Variants in MGST1 observed in about 807,000 individuals in gnomAD.
MGST1 encodes the protein microsomal glutathione S-transferase 1.
MGST1 carries 5 observed loss-of-function variants against 8.9 expected under a neutral mutation model. The ratio of observed to expected loss-of-function variants is 0.56; its 90% confidence interval spans 0.29 to 1.19. MGST1 has a LOEUF of 1.19. Ranked by LOEUF, MGST1 falls within the 50% of genes most tolerant of loss-of-function variation. The pLI, the probability that MGST1 is intolerant of heterozygous loss-of-function variation, is 0.08. For synonymous variants in MGST1, 54 were observed against 67.8 expected, an observed-to-expected ratio of 0.80 and a Z score of 1.00; for missense variants, 182 against 187.4, an observed-to-expected ratio of 0.97 and a Z score of 0.17.
chr12:16,484,583 C>T (rs937460274), intron 4 of MGST1, among the ~76,000 whole-genome samples: 3 of 152,096 alleles, frequency 2.0e-5, no homozygotes, highest in African/African-American at 7.2e-5. Context: ...AACTTATAAC[C>T]TTGGCAGAAG....
chr12:16,492,134 T>A (rs138988533), intron 4 of MGST1, among the ~76,000 whole-genome samples: 5 of 152,232 alleles, frequency 3.3e-5, no homozygotes, highest in African/African-American at 1.2e-4. Context: ...AAAAATGGAA[T>A]GATATGTAGG....
intron 4 of MGST1, among the ~76,000 whole-genome samples, chr12:16,572,447 A>G (rs1294240449): frequency 6.9e-6 from 1 of 144,218 alleles, no homozygotes; most frequent in African/African-American, 2.5e-5. Flanking sequence ...AAACAGAGCT[A>G]CTAAGCTATT....
chr12:16,448,056 C>T lies in MGST1; in HGVS notation n.482+64452C>T, dbSNP rs377316967. On this transcript the variant is annotated intron_variant and non_coding_transcript_variant, in intron 4 of 4. Transcript: ENST00000538857. ...AGTTGAAAGACACTGTACAGGTTGT[C>T]GAGATATCCAATGAAGCTTATAAAA... Among the ~76,000 whole-genome samples the T allele has an allele frequency of 1.9e-4, 29 of 150,898 alleles. 1 individual carries two copies. The highest frequency in any genetic ancestry group is 3.4e-3 in the Middle Eastern group (1 of 294).
At chr12:16,439,622 T>A (rs953298902), downstream of MGST1, among the ~76,000 whole-genome samples, 1 of 151,838 alleles carries the variant, frequency 6.6e-6, no homozygotes, top group South Asian at 2.1e-4. Context: ...TTTCTCAAGG[T>A]GGAGGGGTAG....
intron 4 of MGST1, among the ~76,000 whole-genome samples, chr12:16,479,198 GTA>G (rs144060566): frequency 2.2e-5 from 3 of 139,432 alleles, no homozygotes; most frequent in East Asian, 2.1e-4. Flanking sequence ...TCCATTGTGT[GTA>G]TATATATATA....
chr12:16,371,139 A>G (rs1940285930), intron 3 of MGST1, among the ~76,000 whole-genome samples: 1 of 152,176 alleles, frequency 6.6e-6, no homozygotes, highest in South Asian at 2.1e-4. Flanking sequence ...AACTTGTGCT[A>G]GTAGTTGATG....
chr12:16,465,136 A>T (rs1395244171), intron 4 of MGST1, among the ~76,000 whole-genome samples: 1 of 152,210 alleles, frequency 6.6e-6, no homozygotes, highest in Non-Finnish European at 1.5e-5. Flanking sequence ...TAATGGCAAG[A>T]GGAGGGGTGG....
rs180692984 is a variant in MGST1 at position 16,355,435 on chromosome 12, C to G, written c.126+1057C>G. Reference sequence around the variant, plus strand: ...TGTTGGCCAGGCTGGTCTCAAACTCCTGACCTCAGGTGATCCACCCACCTT... The same window carrying G: ...TGTTGGCCAGGCTGGTCTCAAACTCGTGACCTCAGGTGATCCACCCACCTT... On this transcript the variant is annotated intron_variant, in intron 2 of 3. Transcript: ENST00000396210. Among the ~76,000 whole-genome samples, 554 of 152,244 alleles carry G rather than the reference C, an allele frequency of 3.6e-3. 1 individual carries two copies. Among genetic ancestry groups the G allele is most frequent in the Non-Finnish European group, 5.8e-3 (391 of 67,998 alleles).
intron 4 of MGST1, among the ~76,000 whole-genome samples, chr12:16,448,992 A>G (rs1027804000): frequency 1.3e-5 from 2 of 151,980 alleles, no homozygotes; most frequent in African/African-American, 2.4e-5. Flanking sequence ...GTCCATAAAA[A>G]TGTTGGTAAT....
chr12:16,516,223 A>G (rs1365050556), intron 4 of MGST1, among the ~76,000 whole-genome samples: 2 of 152,196 alleles, frequency 1.3e-5, no homozygotes, highest in Non-Finnish European at 2.9e-5. Context: ...AGAGTCTGAC[A>G]CATCTTTTAC....
At chr12:16,357,546 G>A in intron 2 of MGST1, 59 bp from the exon 3 acceptor site, 1 of 1,298,028 alleles carries the variant, frequency 7.7e-7, no homozygotes, top group Non-Finnish European at 1.1e-6. Flanking sequence ...AATTACAGGT[G>A]TGAGCTATTG....
At chr12:16,508,851 GTT>G (rs1410123413) in intron 4 of MGST1, among the ~76,000 whole-genome samples, 3 of 152,146 alleles carry the variant, frequency 2.0e-5, no homozygotes, top group African/African-American at 7.2e-5. Context: ...TATAGGCACT[GTT>G]TTAGCTTACC....
At chr12:16,356,050 C>A (rs1939701171) in intron 2 of MGST1, among the ~76,000 whole-genome samples, 1 of 152,118 alleles carries the variant, frequency 6.6e-6, no homozygotes, top group African/African-American at 2.4e-5. Context: ...GAAGCAAACT[C>A]TCTCCTTTCT....
chr12:16,499,140 TA>T (rs1941488577), intron 4 of MGST1, among the ~76,000 whole-genome samples: 1 of 152,208 alleles, frequency 6.6e-6, no homozygotes. Flanking sequence ...CTCTCCCCTT[TA>T]AGTATTTTCT....
At chr12:16,421,289 C>T (rs1043670241) in intron 1 of MGST1, among the ~76,000 whole-genome samples, 1 of 152,138 alleles carries the variant, frequency 6.6e-6, no homozygotes, top group Non-Finnish European at 1.5e-5. Context: ...TATGGTGACT[C>T]CTTTCCTTCC....
intron 4 of MGST1, among the ~76,000 whole-genome samples, chr12:16,538,324 A>C (rs1011275894): frequency 4.6e-5 from 7 of 152,064 alleles, no homozygotes; most frequent in African/African-American, 1.7e-4. Flanking sequence ...AAAGCCATTC[A>C]ACAAGTCTCT....
chr12:16,439,000 C>T (rs1381732590), downstream of MGST1, among the ~76,000 whole-genome samples: 1 of 151,678 alleles, frequency 6.6e-6, no homozygotes, highest in African/African-American at 2.4e-5. Context: ...ACATGAAAGC[C>T]TGTCAAATGT....
At chr12:16,505,471 T>G (rs1179938239) in intron 4 of MGST1, among the ~76,000 whole-genome samples, 1 of 152,154 alleles carries the variant, frequency 6.6e-6, no homozygotes, top group East Asian at 1.9e-4. Flanking sequence ...TTCCTCCTGA[T>G]TTTACTTTCA....
upstream of MGST1, among the ~76,000 whole-genome samples, chr12:16,382,193 C>G (rs978082356): frequency 1.3e-5 from 2 of 152,180 alleles, no homozygotes; most frequent in African/African-American, 4.8e-5. Flanking sequence ...AGCTGCATTC[C>G]TTTTGAGGAG....
Sources: allele counts gnomAD v4.1 joint callset (sites outside exome capture counted in the v4.1 genomes callset), GRCh38; gene constraint gnomAD v4.1.1; transcripts MANE v1.5; gene names NCBI Gene and HGNC (gene_info 2026-07-23, HGNC 2026-07-21).